Variants in COL6A5 observed in about 807,000 individuals in gnomAD.
COL6A5 encodes the protein collagen type VI alpha 5 chain, also known as collagen alpha-5(VI) chain.
Under a neutral mutation model 65.6 loss-of-function variants are expected in COL6A5, and 48 were observed. The observed-to-expected ratio is 0.73, with a 90% CI of 0.58 to 0.93. The LOEUF (loss-of-function observed/expected upper bound fraction) is 0.93, where lower values mean the gene tolerates loss of function less well. Ranked by LOEUF, COL6A5 falls within the 40% of genes least tolerant of loss-of-function variation. The probability of loss-of-function intolerance (pLI) is 0.00; values close to 1 mark genes in which losing one functional copy is unlikely to be tolerated. For missense variants in COL6A5, 914 were observed against 928.3 expected (o/e 0.98, Z 0.20); for synonymous variants, 291 against 322.8 (o/e 0.90, Z 1.05).
intron 1 of COL6A5, among the ~76,000 whole-genome samples, chr3:130,349,315 A>G (rs1281966198): frequency 6.6e-6 from 1 of 152,238 alleles, no homozygotes; most frequent in East Asian, 1.9e-4. Flanking sequence ...GAAGAACACC[A>G]TCTTTGTAGA....
chr3:130,412,311 G>A (rs1311866254), intron 20 of COL6A5, among the ~76,000 whole-genome samples: 1 of 152,080 alleles, frequency 6.6e-6, no homozygotes, highest in Non-Finnish European at 1.5e-5. Flanking sequence ...GAAACCTTGG[G>A]CAGCTTGCCC....
intron 17 of COL6A5, 92 bp from the exon 18 acceptor site, chr3:130,409,234 T>C: frequency 2.2e-6 from 2 of 901,530 alleles, no homozygotes. Flanking sequence ...GCATTTTATC[T>C]GATTAACCCC....
chr3:130,452,535 G>A (rs564375253), intron 4 of COL6A5, among the ~76,000 whole-genome samples: 2 of 152,256 alleles, frequency 1.3e-5, no homozygotes, highest in Non-Finnish European at 2.9e-5. Flanking sequence ...CAAAAGGGGA[G>A]GGAGTGTACG....
chr3:130,408,625 C>G (rs918735188), intron 17 of COL6A5, among the ~76,000 whole-genome samples: 1 of 152,080 alleles, frequency 6.6e-6, no homozygotes, highest in African/African-American at 2.4e-5. Flanking sequence ...TATTCGTACA[C>G]CACTCCCCTT....
exon 3 of COL6A5, chr3:130,376,383 GC>G (rs1559865489): frequency 3.1e-6 from 5 of 1,613,614 alleles, no homozygotes; most frequent in African/African-American, 1.3e-5. Context: ...TGTAGCCCTG[GC>G]CCAGTACAGC....
intron 5 of COL6A5, among the ~76,000 whole-genome samples, chr3:130,458,185 A>T (rs1046459688): frequency 6.6e-6 from 1 of 152,008 alleles, no homozygotes; most frequent in Non-Finnish European, 1.5e-5. Flanking sequence ...CAATTCTACC[A>T]CCTTTCCTGG....
intron 7 of COL6A5, among the ~76,000 whole-genome samples, chr3:130,482,889 T>C (rs1052923909): frequency 2.6e-5 from 4 of 152,156 alleles, no homozygotes; most frequent in Non-Finnish European, 4.4e-5. Context: ...TTTTGCACAT[T>C]GATTTTGTAT....
chr3:130,419,059 G>T (rs911090089), intron 25 of COL6A5, 128 bp downstream of exon 25: 2 of 733,792 alleles, frequency 2.7e-6, no homozygotes, highest in Admixed American at 4.5e-5. Flanking sequence ...AGGAAAATGT[G>T]AGAACATTTC....
At chr3:130,426,400 A>G in exon 31 of COL6A5, 2 of 1,551,192 alleles carry the variant, frequency 1.3e-6, no homozygotes, top group Non-Finnish European at 1.7e-6. Context: ...GCGGGAACAT[A>G]GTCGTGAGTA....
chr3:130,369,327 G>C (rs1935466155), intron 1 of COL6A5, among the ~76,000 whole-genome samples: 1 of 152,060 alleles, frequency 6.6e-6, no homozygotes, highest in Non-Finnish European at 1.5e-5. Context: ...CAATATTTGT[G>C]GCATGTTTGA....
chr3:130,426,455 T>TA, intron 31 of COL6A5, 52 bp downstream of exon 31: 7 of 1,510,718 alleles, frequency 4.6e-6, no homozygotes, highest in Non-Finnish European at 2.7e-6. Context: ...GTGAGGCACT[T>TA]AGGACTGTAT....
At chr3:130,359,793 G>A (rs958941278) in intron 1 of COL6A5, among the ~76,000 whole-genome samples, 9 of 152,012 alleles carry the variant, frequency 5.9e-5, no homozygotes, top group Non-Finnish European at 1.2e-4. Context: ...TCCTAGAGAC[G>A]GTCTGGCCTA....
intron 22 of COL6A5, among the ~76,000 whole-genome samples, chr3:130,414,916 A>G (rs1356941813): frequency 6.6e-6 from 1 of 152,076 alleles, no homozygotes; most frequent in African/African-American, 2.4e-5. Context: ...GCTATGAGCT[A>G]GCAGTTTCTC....
Position 130,388,088 on chromosome 3 carries a change from G to A in COL6A5, c.1862-492G>A, listed in dbSNP as rs180694912. On this transcript the variant is annotated intron_variant and NMD_transcript_variant, in intron 5 of 41. Coordinates refer to the COL6A5 transcript ENST00000312481. ...AACTTTTTCTCCAATTTCTAATATT[G>A]ATTTATAGTGTTTATGAAATCACTT... 7.2e-4 allele frequency among the ~76,000 whole-genome samples: 110 copies of A among 151,926 alleles called. No homozygotes were observed. The Middle Eastern group carries it at 0.017, about 24-fold the overall frequency.
intron 10 of COL6A5, among the ~76,000 whole-genome samples, chr3:130,398,453 G>A (rs1936694663): frequency 6.6e-6 from 1 of 152,140 alleles, no homozygotes; most frequent in South Asian, 2.1e-4. Context: ...AAACAGTGAA[G>A]CATGGAATAT....
In COL6A5 at chr3:130,404,986, G is replaced by A. The variant is rs140428343; in HGVS notation, c.4282-602G>A. Among the ~76,000 whole-genome samples, 356 of 152,320 alleles carry A rather than the reference G, an allele frequency of 2.3e-3. 2 individuals carry two copies. The highest frequency in any genetic ancestry group is 8.3e-3 in the African/African-American group (343 of 41,574). ...ATCCATTTTACTTTAGCATTTACCTGTATTTAAATATTTCCTTGGAGAAGC... is the reference window on the plus strand; with the variant it reads ...ATCCATTTTACTTTAGCATTTACCTATATTTAAATATTTCCTTGGAGAAGC... On this transcript the variant is annotated intron_variant and NMD_transcript_variant, in intron 13 of 41. Transcript: ENST00000312481.
At chr3:130,484,285 C>T (rs1013787066) in exon 8 of COL6A5, 4 of 528,134 alleles carry the variant, frequency 7.6e-6, no homozygotes, top group Non-Finnish European at 1.3e-5. Flanking sequence ...TTTCATTTCT[C>T]CTGAGAACTG....
At position 130,388,973 on chromosome 3, in the gene COL6A5, G is replaced by A. The variant is rs199835289; in HGVS notation, c.2255G>A (p.Arg752Gln). 448 of 1,548,020 alleles carry A rather than the reference G, an allele frequency of 2.9e-4. 1 individual carries two copies. In the Middle Eastern group the frequency reaches 0.011, roughly 38 times the overall value. ...GTGAGAGATCCTGCTAGAATTCTTC[G>A]GGGCAAAGATGTGACCATCTTCTCT... Residue 752 changes from arginine to glutamine, a missense_variant and NMD_transcript_variant, in exon 6 of 42, where the codon CGG becomes CAG. Physicochemically the swap from Arg to Gln is conservative, Grantham distance 43. Coordinates refer to the COL6A5 transcript ENST00000312481.
chr3:130,463,911 G>A (rs1709755138), intron 5 of COL6A5, among the ~76,000 whole-genome samples: 1 of 151,954 alleles, frequency 6.6e-6, no homozygotes, highest in African/African-American at 2.4e-5. Flanking sequence ...AGTCCTATAA[G>A]TTGGGAGGTA....
Sources: allele counts gnomAD v4.1 joint callset (sites outside exome capture counted in the v4.1 genomes callset), GRCh38; gene constraint gnomAD v4.1.1; transcripts MANE v1.5; gene names NCBI Gene and HGNC (gene_info 2026-07-23, HGNC 2026-07-21).